Variants in TSHZ2 observed in about 807,000 individuals in gnomAD.
TSHZ2 encodes teashirt homolog 2.
TSHZ2 carries 21 observed loss-of-function variants against 74.4 expected under a neutral mutation model. That is an observed-to-expected ratio of 0.28 (90% CI 0.20 to 0.41). TSHZ2 has a LOEUF of 0.41. Ranked by LOEUF, TSHZ2 falls within the 10% of genes least tolerant of loss-of-function variation. The pLI, the probability that TSHZ2 is intolerant of heterozygous loss-of-function variation, is 1.00. For missense variants in TSHZ2, 1,244 were observed against 1,293.5 expected (o/e 0.96, Z 0.59); for synonymous variants, 540 against 515.3 (o/e 1.05, Z -0.65).
At chr20:53,072,927 C>A (rs1985221524) in intron 1 of TSHZ2, among the ~76,000 whole-genome samples, 1 of 148,528 alleles carries the variant, frequency 6.7e-6, no homozygotes, top group Non-Finnish European at 1.5e-5. Flanking sequence ...CCATTCATCC[C>A]TTAATCCATT....
chr20:53,070,938 T>G (rs1348104398), intron 1 of TSHZ2, among the ~76,000 whole-genome samples: 1 of 152,208 alleles, frequency 6.6e-6, no homozygotes, highest in Non-Finnish European at 1.5e-5. Context: ...TGACACATTT[T>G]TGAACAATTA....
At chr20:53,056,702 T>C (rs867526338) in intron 1 of TSHZ2, among the ~76,000 whole-genome samples, 15 of 152,200 alleles carry the variant, frequency 9.9e-5, no homozygotes, top group Admixed American at 6.5e-5. Context: ...TGTCACCTCA[T>C]GCATTTTACC....
At chr20:53,381,954 T>G (rs1981875063) in intron 2 of TSHZ2, among the ~76,000 whole-genome samples, 1 of 152,154 alleles carries the variant, frequency 6.6e-6, no homozygotes, top group Non-Finnish European at 1.5e-5. Context: ...CTCTGTACCT[T>G]TTTTGGGGAC....
intron 2 of TSHZ2, among the ~76,000 whole-genome samples, chr20:53,318,748 C>A (rs1328397972): frequency 6.6e-6 from 1 of 152,190 alleles, no homozygotes; most frequent in African/African-American, 2.4e-5. Flanking sequence ...GCAGAGGGGG[C>A]AGCTTGGTAC....
chr20:53,255,179 A>T lies in TSHZ2; in HGVS notation c.1721A>T (p.Lys574Met). Reference sequence around the variant, plus strand: ...CAGATCCGGCCTAATCTCACCAACAAGCTGAGGCCCATTGCACCAAAGTGG... The same window carrying T: ...CAGATCCGGCCTAATCTCACCAACATGCTGAGGCCCATTGCACCAAAGTGG... ...VLQIRPNLTNKLRPIAPKWKV... is the reference protein window; with the variant it reads ...VLQIRPNLTNMLRPIAPKWKV... The change falls in exon 2 of 3, where the codon AAG becomes ATG. Residue 574 changes from lysine (K) to methionine (M), a missense_variant. By Grantham distance (95) the Lys-to-Met change is moderately conservative. Around this residue, in one of 6 missense-constraint regions of TSHZ2, gnomAD observed 562 missense variants for 544.0 expected, o/e 1.03. Coordinates refer to ENST00000371497, the MANE Select transcript of TSHZ2 (RefSeq NM_173485.6). The surrounding 1 kb of genome is among the most constrained non-coding windows in gnomAD (Gnocchi z 4.1). 6.2e-7 allele frequency: 1 copy of T among 1,614,156 alleles called. No homozygotes were observed. Among genetic ancestry groups the T allele is most frequent in the Non-Finnish European group, 8.5e-7 (1 of 1,180,030 alleles).
chr20:53,326,653 T>C lies in TSHZ2; in HGVS notation c.*8+70082T>C, dbSNP rs143857266. On this transcript the variant is annotated intron_variant, in intron 2 of 2. Transcript: ENST00000371497. ...GCGCCATCATGCTGATGATGTGGTA[T>C]AACTGTTTGGTAGTGGAGATGTGCC... 7.9e-5 allele frequency among the ~76,000 whole-genome samples: 12 copies of C among 152,326 alleles called. No individual in the cohort carries two copies. In the East Asian group the frequency reaches 2.3e-3, roughly 29 times the overall value.
At chr20:53,323,986 G>A (rs959850886) in intron 2 of TSHZ2, among the ~76,000 whole-genome samples, 1 of 152,108 alleles carries the variant, frequency 6.6e-6, no homozygotes, top group African/African-American at 2.4e-5. Context: ...CCTGGCTCTT[G>A]TGGTCCCTCC....
At chr20:53,460,492 A>G (rs1302959998) in intron 2 of TSHZ2, among the ~76,000 whole-genome samples, 2 of 152,232 alleles carry the variant, frequency 1.3e-5, no homozygotes, top group East Asian at 3.9e-4. Context: ...CTTTGGTTTG[A>G]ATGTCCTCCC....
intron 2 of TSHZ2, among the ~76,000 whole-genome samples, chr20:53,339,315 G>A (rs779367185): frequency 2.0e-5 from 3 of 152,154 alleles, no homozygotes; most frequent in Non-Finnish European, 2.9e-5. Flanking sequence ...GGGAAAGAGG[G>A]TTCATTGGCC....
At chr20:53,233,794 C>A (rs1032321652) in intron 1 of TSHZ2, among the ~76,000 whole-genome samples, 1 of 151,928 alleles carries the variant, frequency 6.6e-6, no homozygotes, top group African/African-American at 2.4e-5. Flanking sequence ...TCAGTACTAA[C>A]AAAAAAAGAA....
At chr20:53,091,040 T>C (rs1985870766) in intron 1 of TSHZ2, among the ~76,000 whole-genome samples, 1 of 152,240 alleles carries the variant, frequency 6.6e-6, no homozygotes, top group Non-Finnish European at 1.5e-5. Context: ...GAAACTCTGA[T>C]AGCACACAGT....
At chr20:53,019,152 G>A (rs1983144206) in intron 1 of TSHZ2, among the ~76,000 whole-genome samples, 1 of 151,978 alleles carries the variant, frequency 6.6e-6, no homozygotes, top group Non-Finnish European at 1.5e-5. Context: ...TACAGGTCAT[G>A]AACTATATAT....
chr20:53,180,395 C>A (rs1568798069), intron 1 of TSHZ2, among the ~76,000 whole-genome samples: 2 of 152,076 alleles, frequency 1.3e-5, no homozygotes, highest in South Asian at 4.1e-4. Flanking sequence ...GGGAACAATC[C>A]GAAGTAGAAG....
intron 1 of TSHZ2, among the ~76,000 whole-genome samples, chr20:53,047,438 G>T (rs1568735049): frequency 6.6e-6 from 1 of 152,070 alleles, no homozygotes; most frequent in South Asian, 2.1e-4. Flanking sequence ...GCACATTCCA[G>T]CCAGCAAGAA....
At chr20:52,984,379 G>A (rs1430196784) in intron 1 of TSHZ2, among the ~76,000 whole-genome samples, 1 of 152,168 alleles carries the variant, frequency 6.6e-6, no homozygotes, top group East Asian at 1.9e-4. Flanking sequence ...GACAGGAAGT[G>A]GCTGTTTTGG....
intron 1 of TSHZ2, among the ~76,000 whole-genome samples, chr20:53,232,507 G>C (rs1019622470): frequency 6.6e-6 from 1 of 152,264 alleles, no homozygotes; most frequent in Middle Eastern, 3.4e-3. Context: ...TCCTCTATTA[G>C]ACATTTCTGC....
chr20:53,324,188 T>C (rs1420932802), intron 2 of TSHZ2, among the ~76,000 whole-genome samples: 1 of 152,086 alleles, frequency 6.6e-6, no homozygotes, highest in East Asian at 1.9e-4. Flanking sequence ...AGTGGCGGGA[T>C]GCTCGGGTCC....
At chr20:53,050,810 C>T (rs1984431279) in intron 1 of TSHZ2, among the ~76,000 whole-genome samples, 1 of 152,084 alleles carries the variant, frequency 6.6e-6, no homozygotes, top group African/African-American at 2.4e-5. Context: ...AGAGTATTTG[C>T]AGAAAGGAGA....
At position 53,058,249 on chromosome 20, in the gene TSHZ2, G is replaced by A. The variant is rs1481666916; in HGVS notation, c.40+84916G>A. Among the ~76,000 whole-genome samples, 15 of 152,232 alleles carry A rather than the reference G, an allele frequency of 9.9e-5. No individual in the cohort carries two copies. The South Asian group carries it at 1.0e-3, about 11-fold the overall frequency. ...ACAGGCCACAGTCTCGTACTGGTAT[G>A]GGTCTGTAGCCCCAGAGTTGGGGAC... On this transcript the variant is annotated intron_variant, in intron 1 of 2. Coordinates refer to ENST00000371497, the MANE Select transcript of TSHZ2 (RefSeq NM_173485.6).
Sources: gnomAD v4.1 joint callset for allele counts (sites outside exome capture counted in the v4.1 genomes callset) on GRCh38, gnomAD v4.1.1 for gene constraint, gnomAD v4.1.1 regional missense constraint, Gnocchi (gnomAD v3.1) non-coding constraint, MANE v1.5 for transcripts, NCBI Gene and HGNC (gene_info 2026-07-23, HGNC 2026-07-21) for gene names.